RBMS3: variants seen among roughly 807,000 people sequenced by gnomAD.
RBMS3 encodes RNA binding motif single stranded interacting protein 3, also known as RNA-binding motif, single-stranded-interacting protein 3.
RBMS3 carries 27 observed loss-of-function variants against 66.8 expected under a neutral mutation model. That is an observed-to-expected ratio of 0.40 (90% confidence interval 0.30 to 0.56). The LOEUF is 0.56. RBMS3 is among the 20% of genes least tolerant of loss of function. RBMS3 has a pLI of 0.40. For synonymous variants in RBMS3, 188 were observed against 183.0 expected (o/e 1.03, Z -0.22); for missense variants, 513 against 549.5 (o/e 0.93, Z 0.66).
chr3:29,501,534 G>T (rs900475833), intron 3 of RBMS3, among the ~76,000 whole-genome samples: 1 of 152,156 alleles, frequency 6.6e-6, no homozygotes, highest in Non-Finnish European at 1.5e-5. Context: ...TAATTTATCC[G>T]TTTTAGGAGG....
intron 4 of RBMS3, among the ~76,000 whole-genome samples, chr3:29,672,484 A>G (rs955378475): frequency 4.6e-5 from 7 of 152,344 alleles, no homozygotes; most frequent in Admixed American, 3.3e-4. Flanking sequence ...TAAAAGACAC[A>G]GACTTGCAAA....
intron 4 of RBMS3, among the ~76,000 whole-genome samples, chr3:29,686,086 G>A (rs1015665190): frequency 6.6e-6 from 1 of 152,178 alleles, no homozygotes; most frequent in Non-Finnish European, 1.5e-5. Context: ...TGGCCTAAAA[G>A]GTGGGTACCA....
At chr3:29,577,580 T>G (rs2047163376) in intron 3 of RBMS3, among the ~76,000 whole-genome samples, 1 of 152,134 alleles carries the variant, frequency 6.6e-6, no homozygotes, top group Non-Finnish European at 1.5e-5. Context: ...CCAGGAAACT[T>G]GGGTATCAAC....
At chr3:29,379,570 A>G (rs538681098) in intron 1 of RBMS3, among the ~76,000 whole-genome samples, 19 of 152,236 alleles carry the variant, frequency 1.2e-4, no homozygotes, top group African/African-American at 4.6e-4. Context: ...CTCTTTTTAA[A>G]ACTATCAGAT....
intron 12 of RBMS3, among the ~76,000 whole-genome samples, chr3:29,961,442 C>A (rs1164951433): frequency 6.6e-6 from 1 of 152,176 alleles, no homozygotes; most frequent in African/African-American, 2.4e-5. Flanking sequence ...TCCAGAGTTG[C>A]TTCCACATTT....
chr3:29,988,184 T>C lies in RBMS3; in HGVS notation c.1140T>C (p.Pro380=). ...CTCCTATGCAAGGGACCTACATTCC[T>C]CAGTACACGCCTGTGCCTCCGACAG... ...AAAPMQGTYI[P]QYTPVPPTAV... The change falls in exon 13 of 15, where the codon CCT becomes CCC. Residue 380 remains proline, a synonymous_variant. Transcript: ENST00000383767. 1 of 1,613,386 alleles carries C rather than the reference T, an allele frequency of 6.2e-7. No individual in the cohort carries two copies. The highest frequency in any genetic ancestry group is 1.3e-5 in the African/African-American group (1 of 75,034).
chr3:29,298,356 A>G (rs898753322), intron 1 of RBMS3, among the ~76,000 whole-genome samples: 3 of 151,902 alleles, frequency 2.0e-5, no homozygotes, highest in Non-Finnish European at 4.4e-5. Flanking sequence ...ATCTTACAAC[A>G]GTGCTAGTCA....
chr3:29,550,674 A>C (rs1407769026), intron 3 of RBMS3, among the ~76,000 whole-genome samples: 1 of 152,178 alleles, frequency 6.6e-6, no homozygotes, highest in Non-Finnish European at 1.5e-5. Context: ...TGTTTCATGC[A>C]ATATTTGGGA....
At chr3:29,729,554 A>C (rs971145725) in intron 4 of RBMS3, among the ~76,000 whole-genome samples, 27 of 152,152 alleles carry the variant, frequency 1.8e-4, no homozygotes, top group African/African-American at 6.5e-4. Flanking sequence ...ATGCTTGAGG[A>C]ATCGCCACAC....
chr3:29,609,689 C>T (rs1236675316), intron 4 of RBMS3, among the ~76,000 whole-genome samples: 1 of 151,964 alleles, frequency 6.6e-6, no homozygotes, highest in Non-Finnish European at 1.5e-5. Flanking sequence ...ATGGTAGATG[C>T]TGAGTAAATA....
chr3:29,476,719 T>C (rs962136096), intron 2 of RBMS3, among the ~76,000 whole-genome samples: 21 of 152,306 alleles, frequency 1.4e-4, no homozygotes, highest in African/African-American at 4.8e-4. Context: ...CTTGATTTTA[T>C]CTTTTCTGCT....
intron 1 of RBMS3, among the ~76,000 whole-genome samples, chr3:29,427,954 A>G (rs527410968): frequency 2.0e-5 from 3 of 152,316 alleles, no homozygotes; most frequent in Non-Finnish European, 4.4e-5. Context: ...TATGTTTTCA[A>G]TCAGAAGGAG....
chr3:29,666,595 TGG>T (rs1226615370), intron 4 of RBMS3, among the ~76,000 whole-genome samples: 2 of 150,974 alleles, frequency 1.3e-5, no homozygotes, highest in Non-Finnish European at 3.0e-5. Context: ...ATGGAGGGAA[TGG>T]CACATACATA....
chr3:29,467,481 G>A (rs2042582531), intron 2 of RBMS3, among the ~76,000 whole-genome samples: 1 of 152,112 alleles, frequency 6.6e-6, no homozygotes, highest in South Asian at 2.1e-4. Context: ...AATATCCTTA[G>A]TGATCTAATT....
chr3:29,900,166 T>C (rs1304584518), intron 10 of RBMS3, among the ~76,000 whole-genome samples: 1 of 151,812 alleles, frequency 6.6e-6, no homozygotes, highest in Non-Finnish European at 1.5e-5. Flanking sequence ...CTTTCTGATA[T>C]GCTTTTCTTT....
chr3:29,458,761 A>G (rs187958220), intron 2 of RBMS3, among the ~76,000 whole-genome samples: 60 of 152,290 alleles, frequency 3.9e-4, no homozygotes, highest in Non-Finnish European at 6.8e-4. Flanking sequence ...GAGCATTTAA[A>G]TTGTTTTTCT....
At chr3:29,500,181 T>G (rs1369286427) in intron 3 of RBMS3, among the ~76,000 whole-genome samples, 1 of 151,614 alleles carries the variant, frequency 6.6e-6, no homozygotes, top group Non-Finnish European at 1.5e-5. Flanking sequence ...CCATACATTC[T>G]TTTGAATGAC....
rs143014746 is a variant in RBMS3, at chr3:29,558,741, AACTATT to A, written c.308-28372_308-28367del. Among the ~76,000 whole-genome samples the A allele has an allele frequency of 5.1e-3, 778 of 152,330 alleles. 14 individuals are homozygous for A. The highest frequency in any genetic ancestry group is 0.018 in the African/African-American group (754 of 41,568). Reference sequence around the variant, plus strand: ...GTTTATGTAAAGGTATAAGCATCACAACTATTTATATGCTGGGCTCTACCCTGCAGT... The same window carrying A: ...GTTTATGTAAAGGTATAAGCATCACATATATGCTGGGCTCTACCCTGCAGT... On this transcript the variant is annotated intron_variant, in intron 3 of 14. Transcript: ENST00000383767.
chr3:29,318,974 T>C (rs2034853767), intron 1 of RBMS3, among the ~76,000 whole-genome samples: 1 of 151,938 alleles, frequency 6.6e-6, no homozygotes, highest in Non-Finnish European at 1.5e-5. Context: ...TTAGAGAGCA[T>C]TGAGACAGCA....
Sources: gnomAD v4.1 joint callset for allele counts (sites outside exome capture counted in the v4.1 genomes callset) on GRCh38, gnomAD v4.1.1 for gene constraint, MANE v1.5 for transcripts, NCBI Gene and HGNC (gene_info 2026-07-23, HGNC 2026-07-21) for gene names.